Variants in SORBS2 observed in about 807,000 individuals in gnomAD.
SORBS2 encodes the protein sorbin and SH3 domain containing 2.
In SORBS2, 46 loss-of-function variants were observed where a neutral mutation model predicts 97.7. That is an observed-to-expected ratio of 0.47 (90% confidence interval 0.37 to 0.60). SORBS2 has a LOEUF of 0.60. Among genes scored for constraint, SORBS2 ranks in the 20% least tolerant of loss-of-function variants. The pLI, the probability that SORBS2 is intolerant of heterozygous loss-of-function variation, is 0.00. For missense variants in SORBS2, 1,316 were observed against 1,282.3 expected (o/e 1.03, Z -0.40); for synonymous variants, 476 against 473.4 (o/e 1.01, Z -0.07).
chr4:185,588,824 A>C (rs1402762284), intron 14 of SORBS2, among the ~76,000 whole-genome samples: 1 of 152,168 alleles, frequency 6.6e-6, no homozygotes, highest in Admixed American at 6.5e-5. Context: ...CATGTTGACC[A>C]GGCTGGCCTC....
chr4:185,589,834 G>T, intron 13 of SORBS2, 49 bp from the exon 26 acceptor site: 1 of 970,332 alleles, frequency 1.0e-6, no homozygotes. Context: ...ACACCTTCAT[G>T]AAATATAGAA....
intron 1 of SORBS2, among the ~76,000 whole-genome samples, chr4:185,917,594 A>C (rs896933982): frequency 1.3e-5 from 2 of 152,194 alleles, no homozygotes; most frequent in Admixed American, 6.5e-5. Flanking sequence ...TAGTAAATTA[A>C]TCAAACCTAA....
chr4:185,611,576 A>G (rs898296346), intron 12 of SORBS2, among the ~76,000 whole-genome samples: 1 of 152,208 alleles, frequency 6.6e-6, no homozygotes, highest in Admixed American at 6.5e-5. Context: ...AGCAAAATTA[A>G]TCATTAAATC....
At chr4:185,822,972 C>A (rs1163201502) in intron 1 of SORBS2, among the ~76,000 whole-genome samples, 1 of 152,154 alleles carries the variant, frequency 6.6e-6, no homozygotes, top group Non-Finnish European at 1.5e-5. Context: ...CAGGAAGCTG[C>A]CTTTCCTTTT....
Position 185,684,906 on chromosome 4 carries a change from C to G in SORBS2, c.-197-6084G>C. 3.9e-6 allele frequency: 5 copies of G among 1,287,952 alleles called. No individual in the cohort carries two copies. The highest frequency in any genetic ancestry group is 4.4e-6 in the Non-Finnish European group (4 of 909,954). 79.8% of individuals were successfully genotyped at this position (1,287,952 alleles called of 1,614,324 possible). A position where few individuals can be genotyped will look rare whatever the true frequency, so the allele number is the denominator to read the frequency against. ...GCAACGGGAAAAGCACGTGCAATAT[C>G]ATGCGTTTTAAGAGAAATGTGCCAG... On this transcript the variant is annotated intron_variant, in intron 2 of 20. Coordinates refer to the SORBS2 transcript ENST00000284776. The surrounding 1 kb of genome is among the most constrained non-coding windows in gnomAD (Gnocchi z 4.2).
chr4:185,799,306 T>C (rs894064374), intron 1 of SORBS2, among the ~76,000 whole-genome samples: 3 of 152,222 alleles, frequency 2.0e-5, no homozygotes, highest in Admixed American at 6.5e-5. Flanking sequence ...TTCCATTGTC[T>C]GCATTTTAGA....
chr4:185,699,728 T>C (rs1455116455), intron 2 of SORBS2, among the ~76,000 whole-genome samples: 1 of 152,234 alleles, frequency 6.6e-6, no homozygotes, highest in African/African-American at 2.4e-5. Context: ...TTGATATTTG[T>C]GTTGAACAGT....
At chr4:185,917,251 G>C (rs373605683) in intron 1 of SORBS2, among the ~76,000 whole-genome samples, 1 of 152,142 alleles carries the variant, frequency 6.6e-6, no homozygotes, top group Non-Finnish European at 1.5e-5. Flanking sequence ...CTTTGAAACA[G>C]GGTCTAACTC....
At chr4:185,783,683 C>T (rs541903994) in intron 1 of SORBS2, among the ~76,000 whole-genome samples, 5 of 152,130 alleles carry the variant, frequency 3.3e-5, no homozygotes, top group African/African-American at 1.2e-4. Flanking sequence ...TCTCCAGTGG[C>T]AGGCATGAGA....
intron 4 of SORBS2, among the ~76,000 whole-genome samples, chr4:185,637,025 T>G (rs1561570126): frequency 6.6e-6 from 1 of 152,228 alleles, no homozygotes; most frequent in Non-Finnish European, 1.5e-5. Context: ...GTCTGGGGAT[T>G]AGAGAAGCTG....
intron 1 of SORBS2, among the ~76,000 whole-genome samples, chr4:185,908,296 T>TATATTTGTATACACACAA (rs1554049924): frequency 1.2e-5 from 1 of 81,292 alleles, no homozygotes; most frequent in Admixed American, 1.2e-4. Flanking sequence ...TATATATATA[T>TATATTTGTATACACACAA]ATATATATAT....
At chr4:185,838,419 T>A (rs12640920) in intron 1 of SORBS2, among the ~76,000 whole-genome samples, 55 of 152,018 alleles carry the variant, frequency 3.6e-4, no homozygotes, top group African/African-American at 1.2e-3. Flanking sequence ...AACTCACGGA[T>A]GCGCTGGTTG....
chr4:185,802,618 G>C (rs1032530593), intron 1 of SORBS2, among the ~76,000 whole-genome samples: 12 of 152,212 alleles, frequency 7.9e-5, no homozygotes, highest in African/African-American at 2.9e-4. Context: ...GAGGAGAGCA[G>C]AGAACTCATC....
chr4:185,649,482 C>G, exon 3 of SORBS2: 1 of 1,585,162 alleles, frequency 6.3e-7, no homozygotes, highest in East Asian at 2.4e-5. Flanking sequence ...TGTTGAAGAC[C>G]GATCTCTTGG....
intron 2 of SORBS2, among the ~76,000 whole-genome samples, chr4:185,711,843 C>T (rs531693019): frequency 5.3e-5 from 8 of 152,258 alleles, no homozygotes; most frequent in Non-Finnish European, 7.4e-5. Flanking sequence ...ATTCAGCACA[C>T]GCACAAGCTG....
chr4:185,865,237 G>A (rs1400083740), intron 1 of SORBS2, among the ~76,000 whole-genome samples: 5 of 152,124 alleles, frequency 3.3e-5, no homozygotes, highest in South Asian at 2.1e-4. Context: ...CTCAAGTGAC[G>A]GAAACGTTAA....
At chr4:185,779,856 G>A (rs2099018749) in intron 1 of SORBS2, among the ~76,000 whole-genome samples, 1 of 152,088 alleles carries the variant, frequency 6.6e-6, no homozygotes, top group African/African-American at 2.4e-5. Flanking sequence ...CTGAAACACT[G>A]GCGTGAGTTT....
chr4:185,895,593 C>T (rs887403016), intron 1 of SORBS2, among the ~76,000 whole-genome samples: 10 of 152,200 alleles, frequency 6.6e-5, no homozygotes, highest in South Asian at 2.1e-4. Flanking sequence ...GCCCAGTGCC[C>T]GGCTGCCTTC....
intron 1 of SORBS2, among the ~76,000 whole-genome samples, chr4:185,806,884 C>T (rs1054887254): frequency 1.3e-5 from 2 of 152,124 alleles, no homozygotes; most frequent in African/African-American, 4.8e-5. Context: ...GTTTATGTTG[C>T]CCCTGTCCTC....
Sources: gnomAD v4.1 joint callset for allele counts (sites outside exome capture counted in the v4.1 genomes callset) on GRCh38, gnomAD v4.1.1 for gene constraint, Gnocchi (gnomAD v3.1) non-coding constraint, MANE v1.5 for transcripts, NCBI Gene and HGNC (gene_info 2026-07-23, HGNC 2026-07-21) for gene names.